RIMS2: variants seen among roughly 807,000 people sequenced by gnomAD.
RIMS2 encodes the protein regulating synaptic membrane exocytosis protein 2.
In RIMS2, 59 loss-of-function variants were observed where a neutral mutation model predicts 174.4. The observed-to-expected ratio is 0.34, with a 90% confidence interval of 0.27 to 0.42. The LOEUF is 0.42. RIMS2 is among the 10% of genes least tolerant of loss of function. The pLI is 1.00. For missense variants in RIMS2, 1,620 were observed against 1,666.3 expected, an observed-to-expected ratio of 0.97 and a Z score of 0.48; for synonymous variants, 606 against 572.5, an observed-to-expected ratio of 1.06 and a Z score of -0.84.
intron 19 of RIMS2, among the ~76,000 whole-genome samples, chr8:104,075,370 A>T (rs1454275490): frequency 6.6e-6 from 1 of 152,220 alleles, no homozygotes; most frequent in Non-Finnish European, 1.5e-5. Context: ...TGGAATAAGC[A>T]ATCTACTGTT....
chr8:103,910,468 ACT>A (rs1354867187), intron 5 of RIMS2: 1 of 1,597,284 alleles, frequency 6.3e-7, no homozygotes, highest in East Asian at 2.2e-5. Flanking sequence ...CAGATTAAGG[ACT>A]CTGGGGTAGA....
intron 1 of RIMS2, among the ~76,000 whole-genome samples, chr8:103,667,049 A>C (rs2160713): frequency 0.18 from 26,886 of 152,140 alleles, 2,584 homozygotes; most frequent in African/African-American, 0.24. Context: ...GGATAATACC[A>C]AGAGTTTGGA....
chr8:103,718,047 C>G (rs2097395977), intron 2 of RIMS2, among the ~76,000 whole-genome samples: 1 of 152,270 alleles, frequency 6.6e-6, no homozygotes, highest in Admixed American at 6.5e-5. Flanking sequence ...TATACAAGCT[C>G]TTGAACTCAT....
intron 19 of RIMS2, among the ~76,000 whole-genome samples, chr8:104,120,352 C>G (rs2098353828): frequency 1.3e-5 from 2 of 152,136 alleles, no homozygotes; most frequent in Admixed American, 1.3e-4. Flanking sequence ...TTTGAACAAT[C>G]TATTTAATTC....
intron 3 of RIMS2, among the ~76,000 whole-genome samples, chr8:103,838,798 GCTCACGC>G (rs2098920554): frequency 6.6e-6 from 1 of 152,176 alleles, no homozygotes; most frequent in Non-Finnish European, 1.5e-5. Flanking sequence ...GGACTCGGTG[GCTCACGC>G]CTGTAATCCC....
At chr8:103,902,806 C>T (rs1204859699) in intron 4 of RIMS2, among the ~76,000 whole-genome samples, 1 of 151,960 alleles carries the variant, frequency 6.6e-6, no homozygotes, top group Non-Finnish European at 1.5e-5. Context: ...AGCATATTGT[C>T]GTTATTATTT....
At chr8:103,898,967 C>A (rs570660913) in intron 4 of RIMS2, among the ~76,000 whole-genome samples, 1 of 151,072 alleles carries the variant, frequency 6.6e-6, no homozygotes, top group Admixed American at 6.6e-5. Context: ...TGAGAACATG[C>A]AGGGTTTGGT....
At chr8:104,179,955 C>T (rs1057262885) in intron 19 of RIMS2, among the ~76,000 whole-genome samples, 1 of 151,800 alleles carries the variant, frequency 6.6e-6, no homozygotes, top group African/African-American at 2.4e-5. Flanking sequence ...AGTATGTACC[C>T]TCCACATGTT....
intron 19 of RIMS2, among the ~76,000 whole-genome samples, chr8:104,212,879 G>A (rs942334354): frequency 2.0e-5 from 3 of 152,292 alleles, no homozygotes; most frequent in Non-Finnish European, 4.4e-5. Context: ...TGAGACCTAT[G>A]AGAAATGGTT....
intron 2 of RIMS2, among the ~76,000 whole-genome samples, chr8:103,729,491 GTTTAT>G (rs1564429475): frequency 6.6e-6 from 1 of 151,532 alleles, no homozygotes; most frequent in Non-Finnish European, 1.5e-5. Context: ...CTAAAGGTTT[GTTTAT>G]TTTGTTTACC....
chr8:104,095,966 G>T (rs796874263), intron 19 of RIMS2, among the ~76,000 whole-genome samples: 1 of 152,098 alleles, frequency 6.6e-6, no homozygotes, highest in African/African-American at 2.4e-5. Flanking sequence ...TGTATAACAG[G>T]CATTAAACAT....
chr8:103,667,365 A>G (rs1239385639), intron 1 of RIMS2, among the ~76,000 whole-genome samples: 1 of 152,154 alleles, frequency 6.6e-6, no homozygotes, highest in Non-Finnish European at 1.5e-5. Flanking sequence ...AACCTGTTAT[A>G]AGGAATAAAT....
At position 103,697,356 on chromosome 8, in the gene RIMS2, G is replaced by A. The variant is rs146560606; in HGVS notation, c.387+60G>A. 244 of 1,247,278 alleles carry A rather than the reference G, an allele frequency of 2.0e-4. 1 individual carries two copies. In the East Asian group the frequency reaches 4.0e-3, roughly 21 times the overall value. 77.3% of individuals were successfully genotyped at this position (1,247,278 alleles called of 1,614,324 possible). A position where few individuals can be genotyped will look rare whatever the true frequency, so the allele number is the denominator to read the frequency against. On this transcript the variant is annotated intron_variant, in intron 2 of 23. Coordinates refer to ENST00000504942, the Ensembl canonical transcript of RIMS2. ...AAGCTTATTGTGTTTATCTATTCAC[G>A]TTAGAGAGTATGTTAATTCAACCCA...
At chr8:104,206,872 G>A (rs897957687) in intron 19 of RIMS2, among the ~76,000 whole-genome samples, 1 of 152,222 alleles carries the variant, frequency 6.6e-6, no homozygotes. Flanking sequence ...TCTTACAAGG[G>A]AGGGATAGAA....
At chr8:103,518,006 C>G (rs997097562) in intron 1 of RIMS2, among the ~76,000 whole-genome samples, 1 of 151,836 alleles carries the variant, frequency 6.6e-6, no homozygotes, top group Non-Finnish European at 1.5e-5. Flanking sequence ...GCCCTTGGCC[C>G]GCGGGTTGGA....
chr8:103,578,369 A>G (rs928610118), intron 1 of RIMS2, among the ~76,000 whole-genome samples: 2 of 152,054 alleles, frequency 1.3e-5, no homozygotes, highest in African/African-American at 4.8e-5. Context: ...ATCTCTGCTA[A>G]AAATACAAAA....
At chr8:103,769,986 C>T (rs560165413) in intron 3 of RIMS2, among the ~76,000 whole-genome samples, 1 of 152,302 alleles carries the variant, frequency 6.6e-6, no homozygotes, top group South Asian at 2.1e-4. Context: ...TTGTAATTTA[C>T]ATACACTTTT....
rs188788989 is a variant in RIMS2 at position 103,842,312 on chromosome 8, A to T, written c.699-42986A>T. ...ATATAAGAAATAAAAAGGCATAGAA[A>T]GAAGAATTAAAGAAACTCTAAAGAA... is the stretch of plus-strand genomic sequence containing the variant. On this transcript the variant is annotated intron_variant, in intron 3 of 23. Transcript: ENST00000504942. Among the ~76,000 whole-genome samples the T allele has an allele frequency of 2.5e-3, 372 of 150,952 alleles. 1 individual carries two copies. The highest frequency in any genetic ancestry group is 4.5e-3 in the Non-Finnish European group (304 of 67,998).
chr8:103,793,921 C>T (rs1351714623), intron 3 of RIMS2, among the ~76,000 whole-genome samples: 11 of 152,034 alleles, frequency 7.2e-5, no homozygotes, highest in East Asian at 3.9e-4. Context: ...CACTGCTCAA[C>T]GAAATAAAAG....
Sources: allele counts gnomAD v4.1 joint callset (sites outside exome capture counted in the v4.1 genomes callset), GRCh38; gene constraint gnomAD v4.1.1; transcripts MANE v1.5; gene names NCBI Gene and HGNC (gene_info 2026-07-23, HGNC 2026-07-21).